Variants in UGT2B4 observed in about 807,000 individuals in gnomAD.
The protein encoded by UGT2B4 is UDP glucuronosyltransferase family 2 member B4, also known as UDP-glucuronosyltransferase 2B4.
Under a neutral mutation model 49.8 loss-of-function variants are expected in UGT2B4, and 49 were observed. That is an observed-to-expected ratio of 0.98 (90% confidence interval 0.78 to 1.25). The LOEUF (loss-of-function observed/expected upper bound fraction) is 1.25, where lower values mean the gene tolerates loss of function less well. Ranked by LOEUF, UGT2B4 falls within the 50% of genes most tolerant of loss-of-function variation. The pLI, the probability that UGT2B4 is intolerant of heterozygous loss-of-function variation, is 0.00. For missense variants in UGT2B4, 729 were observed against 627.7 expected (o/e 1.16, Z -1.73); for synonymous variants, 246 against 217.7 (o/e 1.13, Z -1.14).
chr4:69,524,613 A>G (rs1350245599), intron 1 of UGT2B4, among the ~76,000 whole-genome samples: 2 of 152,192 alleles, frequency 1.3e-5, no homozygotes, highest in African/African-American at 4.8e-5. Context: ...AATGTGTCAC[A>G]AAGATATAAA....
rs538268849 is a variant in UGT2B4, at chr4:69,517,171, G to T, written c.-106+8516C>A. On this transcript the variant is annotated intron_variant, in intron 1 of 1. Coordinates refer to the UGT2B4 transcript ENST00000510114. ...TGAAGTAAATATTCTACTGTATTTT[G>T]CTCCTCTAGAACCAAAGTCTTTTAG... 5.4e-3 allele frequency among the ~76,000 whole-genome samples: 817 copies of T among 152,038 alleles called. 3 individuals are homozygous for T. Among genetic ancestry groups the T allele is most frequent in the Non-Finnish European group, 9.5e-3 (647 of 67,992 alleles).
intron 1 of UGT2B4, among the ~76,000 whole-genome samples, chr4:69,523,947 G>A (rs1577908170): frequency 1.3e-5 from 2 of 152,192 alleles, no homozygotes; most frequent in African/African-American, 2.4e-5. Flanking sequence ...TAAGTTTCAT[G>A]AGCCAATGTC....
chr4:69,488,852 C>T (rs1727871856), intron 3 of UGT2B4, among the ~76,000 whole-genome samples: 1 of 152,036 alleles, frequency 6.6e-6, no homozygotes, highest in Admixed American at 6.6e-5. Context: ...ATCTGCCTAG[C>T]TCTGCGGATC....
chr4:69,501,708 T>G lies in UGT2B4; in HGVS notation c.-105-5742A>C, dbSNP rs117046838. Reference sequence around the variant, plus strand: ...AGGTATAGGGTTAGTATAGAGCTTCTGGGGAAGGGGCAGGCTGTCATCTTT... The same window carrying G: ...AGGTATAGGGTTAGTATAGAGCTTCGGGGGAAGGGGCAGGCTGTCATCTTT... On this transcript the variant is annotated intron_variant, in intron 1 of 1. Transcript: ENST00000510114. 9.9e-5 allele frequency among the ~76,000 whole-genome samples: 15 copies of G among 152,198 alleles called. No individual in the cohort carries two copies. In the East Asian group the frequency reaches 2.7e-3, roughly 27 times the overall value.
rs145856824 is a variant in UGT2B4 at position 69,523,180 on chromosome 4, C to A, written c.-106+2507G>T. On this transcript the variant is annotated intron_variant, in intron 1 of 1. Coordinates refer to the UGT2B4 transcript ENST00000510114. ...AAACTCCTTTTAATGTTATTTTAAC[C>A]TGGTCTCATAAGTTATGACTACTTC... 2.8e-3 allele frequency among the ~76,000 whole-genome samples: 421 copies of A among 152,174 alleles called. 4 individuals are homozygous for A. The highest frequency in any genetic ancestry group is 9.2e-3 in the African/African-American group (384 of 41,552).
intron 1 of UGT2B4, among the ~76,000 whole-genome samples, chr4:69,519,720 C>T (rs961394883): frequency 6.6e-6 from 1 of 152,198 alleles, no homozygotes. Context: ...TTGAATTTCA[C>T]CCCAGCAATG....
chr4:69,482,374 T>C (rs1468938402), intron 5 of UGT2B4, among the ~76,000 whole-genome samples: 3 of 152,180 alleles, frequency 2.0e-5, no homozygotes, highest in African/African-American at 7.2e-5. Flanking sequence ...GTACATACGC[T>C]AAGTGAAACA....
upstream of UGT2B4, chr4:69,495,965 C>A: frequency 6.7e-7 from 1 of 1,485,450 alleles, no homozygotes; most frequent in Non-Finnish European, 9.0e-7. Flanking sequence ...GTAACTTTTA[C>A]ACTTCAAAGT....
chr4:69,500,948 C>T (rs556099744), intron 1 of UGT2B4, among the ~76,000 whole-genome samples: 1 of 152,138 alleles, frequency 6.6e-6, no homozygotes, highest in Non-Finnish European at 1.5e-5. Context: ...GCTTTCTGGG[C>T]TTCCTGGCAA....
chr4:69,503,983 A>G (rs1271701246), intron 1 of UGT2B4, among the ~76,000 whole-genome samples: 11 of 152,218 alleles, frequency 7.2e-5, no homozygotes, highest in Non-Finnish European at 1.6e-4. Context: ...TGGTCCCCCA[A>G]AATCTTCCAG....
At chr4:69,487,982 CAG>C (rs2109807142) in intron 3 of UGT2B4, among the ~76,000 whole-genome samples, 1 of 151,984 alleles carries the variant, frequency 6.6e-6, no homozygotes, top group South Asian at 2.1e-4. Context: ...GTCATTTTAA[CAG>C]AGTTTGATGT....
chr4:69,495,022 A>G, intron 1 of UGT2B4, 119 bp downstream of exon 1: 1 of 934,330 alleles, frequency 1.1e-6, no homozygotes, highest in Non-Finnish European at 1.5e-6. Flanking sequence ...TTACAATTTC[A>G]TTTGATAAAT....
In UGT2B4 at chr4:69,485,363, G is replaced by A. The variant is rs1727748647; in HGVS notation, c.1155C>T (p.Tyr385=). The A allele has an allele frequency of 1.2e-6, 2 of 1,613,930 alleles. No homozygotes were observed. The highest frequency in any genetic ancestry group is 1.7e-6 in the Non-Finnish European group (2 of 1,179,894). The change falls in exon 5 of 6, where the codon TAC becomes TAT. Residue 385 remains tyrosine, a synonymous_variant. Coordinates refer to ENST00000305107, the MANE Select transcript of UGT2B4 (RefSeq NM_021139.3). ...GAACGCCCACCATAGGGATTCCATGGTAGATTGCCTCATAGATGCCATTGG... is the reference window on the plus strand; with the variant it reads ...GAACGCCCACCATAGGGATTCCATGATAGATTGCCTCATAGATGCCATTGG... The part of the protein sequence containing the change: ...GGANGIYEAI[Y]HGIPMVGVPL...
At position 69,495,692 on chromosome 4, in the gene UGT2B4, G is replaced by T. The variant is rs199634926; in HGVS notation, c.170C>A (p.Ala57Glu). The T allele has an allele frequency of 1.7e-4, 271 of 1,614,046 alleles. No individual in the cohort carries two copies. The highest frequency in any genetic ancestry group is 1.6e-5 in the Non-Finnish European group (19 of 1,179,966). Residue 57 changes from alanine (A) to glutamate (E), a missense_variant, in exon 1 of 6, where the codon GCA becomes GAA. Physicochemically the swap from Ala to Glu is moderately radical, Grantham distance 107. Transcript: ENST00000305107. ...ATCGAAAGAAATGGAAGCTGAAGATGCCAATACAGTCACCTCATGACCTCT... is the reference window on the plus strand; with the variant it reads ...ATCGAAAGAAATGGAAGCTGAAGATTCCAATACAGTCACCTCATGACCTCT... ...VQRGHEVTVL[A>E]SSASISFDPN...
chr4:69,480,775 G>T lies in UGT2B4; in HGVS notation c.1446C>A (p.Asp482Glu). 2 of 1,613,980 alleles carry T rather than the reference G, an allele frequency of 1.2e-6. No homozygotes were observed. Among genetic ancestry groups the T allele is most frequent in the Non-Finnish European group, 1.7e-6 (2 of 1,179,896 alleles). Residue 482 changes from aspartate to glutamate, a missense_variant, in exon 6 of 6, where the codon GAC becomes GAA. Transcript: ENST00000305107. ...GAKHLRVAAHDLTWFQYHSLD... is the reference protein window; with the variant it reads ...GAKHLRVAAHELTWFQYHSLD... The stretch of plus-strand genomic sequence containing the variant: ...AAGAGTGGTACTGGAACCAGGTGAG[G>T]TCGTGGGCTGCAACCCGAAGGTGCT...
intron 1 of UGT2B4, among the ~76,000 whole-genome samples, chr4:69,507,372 C>T (rs377683905): frequency 5.9e-5 from 9 of 152,150 alleles, no homozygotes; most frequent in African/African-American, 2.2e-4. Context: ...TCAGAGAAGT[C>T]TCAGGATGAA....
intron 1 of UGT2B4, among the ~76,000 whole-genome samples, chr4:69,519,295 A>G (rs761751997): frequency 6.6e-6 from 1 of 152,268 alleles, no homozygotes; most frequent in Admixed American, 6.5e-5. Flanking sequence ...AAGATTAAAA[A>G]TGTACATTAG....
intron 4 of UGT2B4, 110 bp from the exon 5 acceptor site, chr4:69,485,537 T>A: frequency 6.8e-7 from 1 of 1,468,560 alleles, no homozygotes; most frequent in Non-Finnish European, 9.4e-7. Context: ...TGAACTGAAT[T>A]AAAATTGTTT....
chr4:69,488,115 A>G (rs1042649889), intron 3 of UGT2B4, among the ~76,000 whole-genome samples: 1 of 152,220 alleles, frequency 6.6e-6, no homozygotes, highest in African/African-American at 2.4e-5. Context: ...TACTTCCAAG[A>G]AAAATTTCAA....
Sources: gnomAD v4.1 joint callset for allele counts (sites outside exome capture counted in the v4.1 genomes callset) on GRCh38, gnomAD v4.1.1 for gene constraint, MANE v1.5 for transcripts, NCBI Gene and HGNC (gene_info 2026-07-23, HGNC 2026-07-21) for gene names.